The following XPO1 variants were observed in gnomAD, a reference collection of about 807,000 sequenced individuals.
The protein encoded by XPO1 is exportin-1.
XPO1 carries 5 observed loss-of-function variants against 133.3 expected under a neutral mutation model. The ratio of observed to expected loss-of-function variants is 0.04; its 90% CI spans 0.02 to 0.08. The LOEUF is 0.08. Ranked by LOEUF, XPO1 falls within the 10% of genes least tolerant of loss-of-function variation. XPO1 has a pLI of 1.00. For missense variants in XPO1, 506 were observed against 1,267.5 expected, an observed-to-expected ratio of 0.40 and a Z score of 9.12; for synonymous variants, 419 against 408.2, an observed-to-expected ratio of 1.03 and a Z score of -0.32.
intron 4 of XPO1, among the ~76,000 whole-genome samples, chr2:61,521,242 C>T (rs1698674597): frequency 6.6e-6 from 1 of 152,110 alleles, no homozygotes; most frequent in Non-Finnish European, 1.5e-5. Context: ...TCTAAATGTG[C>T]TCAAACTTTG....
At chr2:61,516,239 A>T in intron 4 of XPO1, among the ~76,000 whole-genome samples, 1 of 150,338 alleles carries the variant, frequency 6.7e-6, no homozygotes, top group African/African-American at 2.4e-5. Context: ...CAGGAGGCGG[A>T]GGCTGCAGTG....
Position 61,492,844 on chromosome 2 carries a change from A to G in XPO1, c.1384+71T>C, listed in dbSNP as rs763412458. 4 of 1,556,862 alleles carry G rather than the reference A, an allele frequency of 2.6e-6. No individual in the cohort carries two copies. The highest frequency in any genetic ancestry group is 3.5e-6 in the Non-Finnish European group (4 of 1,150,572). The stretch of plus-strand genomic sequence containing the variant: ...GAAAATATTTAGAAACTACAAGTAC[A>G]TTTCCTAAAATGTATTTCCACCCCA... On this transcript the variant is annotated intron_variant, in intron 13 of 24. Transcript: ENST00000401558. This position sits in a 1 kb window ranked among gnomAD's most constrained non-coding sequence, Gnocchi z 5.6.
chr2:61,534,210 T>G, intron 1 of XPO1: 1 of 186,492 alleles, frequency 5.4e-6, no homozygotes, highest in South Asian at 1.7e-4. Flanking sequence ...ACGCATCCAC[T>G]ATTAGGATTT....
intron 19 of XPO1, among the ~76,000 whole-genome samples, chr2:61,486,610 C>G (rs1469767329): frequency 6.6e-6 from 1 of 152,120 alleles, no homozygotes; most frequent in Non-Finnish European, 1.5e-5. Flanking sequence ...CACCTGCCAC[C>G]ACGCCCAGCT....
At chr2:61,506,425 A>C (rs1335210553) in intron 4 of XPO1, among the ~76,000 whole-genome samples, 1 of 152,036 alleles carries the variant, frequency 6.6e-6, no homozygotes, top group Non-Finnish European at 1.5e-5. Context: ...TCCGTCTCAA[A>C]AACAACAACA....
chr2:61,533,565 T>A (rs560833135), intron 2 of XPO1, among the ~76,000 whole-genome samples: 2 of 152,194 alleles, frequency 1.3e-5, no homozygotes, highest in African/African-American at 4.8e-5. Flanking sequence ...ACAAAACAAG[T>A]ATAATATTCC....
At position 61,492,600 on chromosome 2, in the gene XPO1, C is replaced by T; in HGVS notation, c.1533G>A (p.Glu511=). 1 of 1,611,408 alleles carries T rather than the reference C, an allele frequency of 6.2e-7. No homozygotes were observed. Among genetic ancestry groups the T allele is most frequent in the Non-Finnish European group, 8.5e-7 (1 of 1,179,300 alleles). ...CAGTAACAAGAAATCGTTTTTCGTC[C>T]TCTTCATGCATTGCTCCACTAATGG... is the stretch of plus-strand genomic sequence containing the variant. ...IGSISGAMHE[E]DEKRFLVTVI... The change falls in exon 14 of 25, where the codon GAG becomes GAA. Residue 511 remains glutamate (E), a synonymous_variant. Coordinates refer to ENST00000401558, the MANE Select transcript of XPO1 (RefSeq NM_003400.4). The surrounding 1 kb of genome is among the most constrained non-coding windows in gnomAD (Gnocchi z 5.6).
At chr2:61,508,311 C>T (rs766448) in intron 4 of XPO1, among the ~76,000 whole-genome samples, 61,423 of 152,012 alleles carry the variant, frequency 0.4, 13,542 homozygotes, top group East Asian at 0.63. Flanking sequence ...TAATACACAC[C>T]CGTAGAAATG....
chr2:61,489,461 T>C (rs1696858391), intron 17 of XPO1, among the ~76,000 whole-genome samples: 1 of 151,628 alleles, frequency 6.6e-6, no homozygotes, highest in Non-Finnish European at 1.5e-5. Flanking sequence ...GCCATTACGC[T>C]TCCCTTACCC....
intron 11 of XPO1, 91 bp from the exon 12 acceptor site, chr2:61,494,182 A>C (rs1697128534): frequency 5.7e-6 from 7 of 1,221,524 alleles, no homozygotes; most frequent in Non-Finnish European, 7.9e-6. Flanking sequence ...GGAAAATAAA[A>C]ATTCATGTTT....
At chr2:61,531,471 G>GT (rs1380641192) in intron 2 of XPO1, among the ~76,000 whole-genome samples, 1 of 152,124 alleles carries the variant, frequency 6.6e-6, no homozygotes, top group Non-Finnish European at 1.5e-5. Context: ...CAGTATTGCT[G>GT]TAATATATTC....
intron 17 of XPO1, among the ~76,000 whole-genome samples, chr2:61,489,052 A>T (rs888720700): frequency 6.6e-6 from 1 of 151,794 alleles, no homozygotes; most frequent in Non-Finnish European, 1.5e-5. Context: ...CAGTGAGCCG[A>T]GATCGCACCA....
chr2:61,516,699 C>CCA (rs1344848964), intron 4 of XPO1, among the ~76,000 whole-genome samples: 1 of 152,014 alleles, frequency 6.6e-6, no homozygotes, highest in African/African-American at 2.4e-5. Context: ...CAGGCATGAG[C>CCA]CACCATGCCC....
chr2:61,522,507 G>T, intron 4 of XPO1, 104 bp downstream of exon 4: 1 of 1,044,734 alleles, frequency 9.6e-7, no homozygotes, highest in Non-Finnish European at 1.4e-6. Context: ...CTCCATTAGA[G>T]CAAAATATAC....
chr2:61,491,353 T>C (rs758733999), intron 16 of XPO1, among the ~76,000 whole-genome samples: 61 of 145,284 alleles, frequency 4.2e-4, no homozygotes, highest in Admixed American at 1.3e-3. Flanking sequence ...TCATAGCCAC[T>C]GAGGAAGAGA....
At chr2:61,505,065 C>A (rs973845185) in intron 4 of XPO1, among the ~76,000 whole-genome samples, 2 of 152,214 alleles carry the variant, frequency 1.3e-5, no homozygotes, top group Admixed American at 1.3e-4. Context: ...CACTAGAATG[C>A]AGTGGTGCCA....
rs1367050432 is a variant in XPO1 at position 61,492,027 on chromosome 2, T to G, written c.1887+8A>C. The G allele has an allele frequency of 1.2e-6, 2 of 1,613,998 alleles. No individual in the cohort carries two copies. Among genetic ancestry groups the G allele is most frequent in the Non-Finnish European group, 1.7e-6 (2 of 1,179,982 alleles). On this transcript the variant is annotated splice_region_variant and intron_variant, in intron 16 of 24. Transcript: ENST00000401558. The surrounding 1 kb of genome is among the most constrained non-coding windows in gnomAD (Gnocchi z 5.6). ...CTAAAAATAACATATGCTCAGTGCT[T>G]AACATACCTGTTGAGGCTGAAGATC...
chr2:61,527,885 G>A (rs1050318792), intron 2 of XPO1, among the ~76,000 whole-genome samples: 15 of 150,840 alleles, frequency 9.9e-5, no homozygotes, highest in Admixed American at 7.9e-4. Context: ...AGTCATCTTT[G>A]TGCCTTTCCC....
chr2:61,481,038 T>G (rs1017412786), intron 24 of XPO1, 147 bp downstream of exon 24: 4 of 478,846 alleles, frequency 8.4e-6, no homozygotes, highest in Non-Finnish European at 1.5e-5. Context: ...CAGTCTCAGG[T>G]TTTTTGATTA....
Sources: gnomAD v4.1 joint callset for allele counts (sites outside exome capture counted in the v4.1 genomes callset) on GRCh38, gnomAD v4.1.1 for gene constraint, Gnocchi (gnomAD v3.1) non-coding constraint, MANE v1.5 for transcripts, NCBI Gene and HGNC (gene_info 2026-07-23, HGNC 2026-07-21) for gene names.